The following MACROD1 variants were observed in gnomAD, a reference collection of about 807,000 sequenced individuals.
MACROD1 encodes the protein ADP-ribose glycohydrolase MACROD1.
Under a neutral mutation model 41.4 loss-of-function variants are expected in MACROD1, and 31 were observed. That is an observed-to-expected ratio of 0.75 (90% CI 0.56 to 1.01). The LOEUF (loss-of-function observed/expected upper bound fraction) is 1.01, where lower values mean the gene tolerates loss of function less well. Ranked by LOEUF, MACROD1 falls within the 50% of genes least tolerant of loss-of-function variation. The pLI, the probability that MACROD1 is intolerant of heterozygous loss-of-function variation, is 0.00. For synonymous variants in MACROD1, 252 were observed against 203.4 expected (o/e 1.24, Z -2.03); for missense variants, 473 against 460.0 (o/e 1.03, Z -0.26).
chr11:64,119,825 G>A (rs1223748580), intron 3 of MACROD1, among the ~76,000 whole-genome samples: 1 of 152,184 alleles, frequency 6.6e-6, no homozygotes, highest in Non-Finnish European at 1.5e-5. Flanking sequence ...GCAGTGTGGT[G>A]AGCCATGAGA....
chr11:64,060,032 G>T (rs1206429038), intron 3 of MACROD1, among the ~76,000 whole-genome samples: 1 of 152,240 alleles, frequency 6.6e-6, no homozygotes, highest in Non-Finnish European at 1.5e-5. Flanking sequence ...CCACACGGCA[G>T]GGGGGAATGG....
intron 4 of MACROD1, among the ~76,000 whole-genome samples, chr11:64,005,604 G>A (rs750809106): frequency 6.6e-6 from 1 of 152,240 alleles, no homozygotes; most frequent in Non-Finnish European, 1.5e-5. Context: ...CTCAGGTGCC[G>A]AGTCTCATAC....
chr11:64,115,596 A>G (rs1944962982), intron 3 of MACROD1, among the ~76,000 whole-genome samples: 1 of 152,200 alleles, frequency 6.6e-6, no homozygotes, highest in Non-Finnish European at 1.5e-5. Context: ...ACACCAGACA[A>G]TGAAGCTCCC....
chr11:64,116,616 G>C, intron 3 of MACROD1: 1 of 1,614,158 alleles, frequency 6.2e-7, no homozygotes, highest in Non-Finnish European at 8.5e-7. Flanking sequence ...ATACGAGAAT[G>C]ACCTGGATGA....
At chr11:64,070,128 A>G (rs1944079542) in intron 3 of MACROD1, among the ~76,000 whole-genome samples, 1 of 152,114 alleles carries the variant, frequency 6.6e-6, no homozygotes, top group Admixed American at 6.5e-5. Flanking sequence ...CCCCTTACAT[A>G]GATGTGGAAA....
intron 3 of MACROD1, among the ~76,000 whole-genome samples, chr11:64,149,274 G>A (rs915075110): frequency 6.6e-6 from 1 of 152,162 alleles, no homozygotes; most frequent in South Asian, 2.1e-4. Context: ...CATCAGCTCC[G>A]AGTGCCCCCA....
Position 64,166,021 on chromosome 11 carries a change from G to A in MACROD1, c.-27C>T, listed in dbSNP as rs1395287357. 12 of 1,255,652 alleles carry A rather than the reference G, an allele frequency of 9.6e-6. No individual in the cohort carries two copies. The highest frequency in any genetic ancestry group is 1.2e-5 in the Non-Finnish European group (12 of 1,003,246). 77.8% of individuals were successfully genotyped at this position (1,255,652 alleles called of 1,614,324 possible). ...AGCGGGCGGCGCGGGACGGCTCTCC[G>A]CCCACTTGGACTCTATTTACGGCGC... On this transcript the variant is annotated 5_prime_UTR_variant, in exon 1 of 11. Coordinates refer to ENST00000255681, the MANE Select transcript of MACROD1 (RefSeq NM_014067.4).
At chr11:64,057,932 A>G (rs999832247) in intron 3 of MACROD1, among the ~76,000 whole-genome samples, 1 of 152,084 alleles carries the variant, frequency 6.6e-6, no homozygotes, top group Middle Eastern at 3.2e-3. Flanking sequence ...TTTTCTTTCC[A>G]CTGTGCCACC....
intron 1 of MACROD1, among the ~76,000 whole-genome samples, chr11:64,157,043 G>T (rs1437946161): frequency 1.3e-5 from 2 of 152,130 alleles, no homozygotes; most frequent in Non-Finnish European, 2.9e-5. Context: ...GTTCCCCCTG[G>T]AGGAGAAACA....
rs774763930 is a variant in MACROD1, at chr11:64,116,712, C to T, written c.517+34527G>A. On this transcript the variant is annotated intron_variant, in intron 3 of 10. Coordinates refer to ENST00000255681, the MANE Select transcript of MACROD1 (RefSeq NM_014067.4). ...CACCATTGCCAGGGACTCGCTGGCCCGCATCCCGCTGCTGGAGAAGCTGCA... is the reference window on the plus strand; with the variant it reads ...CACCATTGCCAGGGACTCGCTGGCCTGCATCCCGCTGCTGGAGAAGCTGCA... The T allele has an allele frequency of 1.7e-5, 28 of 1,613,610 alleles. No homozygotes were observed. Among genetic ancestry groups the T allele is most frequent in the Non-Finnish European group, 2.1e-5 (25 of 1,180,008 alleles).
intron 3 of MACROD1, among the ~76,000 whole-genome samples, chr11:64,121,573 C>T (rs1181047947): frequency 6.6e-6 from 1 of 152,222 alleles, no homozygotes; most frequent in Non-Finnish European, 1.5e-5. Context: ...AAACCCCATC[C>T]CCTCTTGGCC....
chr11:64,128,250 C>A (rs577696573), intron 3 of MACROD1, among the ~76,000 whole-genome samples: 1 of 152,218 alleles, frequency 6.6e-6, no homozygotes, highest in Non-Finnish European at 1.5e-5. Flanking sequence ...ACCCAGCGCA[C>A]AGTGGGTGCC....
chr11:64,030,604 G>C (rs1943281436), intron 3 of MACROD1, among the ~76,000 whole-genome samples: 1 of 152,168 alleles, frequency 6.6e-6, no homozygotes, highest in Admixed American at 6.5e-5. Context: ...CAACGCCAGA[G>C]AAAAAATCAG....
intron 3 of MACROD1, among the ~76,000 whole-genome samples, chr11:64,119,418 G>A (rs563621417): frequency 6.6e-6 from 1 of 152,062 alleles, no homozygotes; most frequent in African/African-American, 2.4e-5. Context: ...CAGTGTCCTC[G>A]TCTCCCTCCC....
At chr11:64,104,582 T>C (rs1944725918) in intron 3 of MACROD1, among the ~76,000 whole-genome samples, 1 of 152,042 alleles carries the variant, frequency 6.6e-6, no homozygotes, top group Non-Finnish European at 1.5e-5. Context: ...TCTGGTAACC[T>C]AGGCTACTTG....
Position 64,000,326 on chromosome 11 carries a change from G to A in MACROD1, c.565C>T (p.Arg189Trp), listed in dbSNP as rs968369084. The A allele has an allele frequency of 3.2e-6, 5 of 1,585,416 alleles. No individual in the cohort carries two copies. The highest frequency in any genetic ancestry group is 1.8e-5 in the Admixed American group (1 of 56,896). The change falls in exon 5 of 11, where the codon CGG (arginine) becomes TGG (tryptophan). Residue 189 changes from arginine (R) to tryptophan (W), a missense_variant. Arg to Trp is a moderately radical substitution (Grantham distance 101, BLOSUM62 -3). Transcript: ENST00000255681. ...TCGGTAAGCAGGGGGCCGGCGGCCC[G>A]ATGAATGCAGCCGTCCACTGCGGGA... ...GGGGVDGCIH[R>W]AAGPLLTDEC... is the part of the protein sequence containing the mutation.
chr11:64,161,423 C>T (rs1445800566), intron 1 of MACROD1, among the ~76,000 whole-genome samples: 2 of 152,226 alleles, frequency 1.3e-5, no homozygotes, highest in African/African-American at 2.4e-5. Context: ...CAATGCTCTA[C>T]CTTTTGACCC....
intron 3 of MACROD1, among the ~76,000 whole-genome samples, chr11:64,030,883 CT>C (rs1349132279): frequency 1.4e-5 from 2 of 144,112 alleles, no homozygotes; most frequent in East Asian, 2.1e-4. Flanking sequence ...GATCCTGTCT[CT>C]TAAAAAAAAA....
intron 3 of MACROD1, among the ~76,000 whole-genome samples, chr11:64,055,234 C>T (rs909838961): frequency 6.6e-6 from 1 of 152,240 alleles, no homozygotes; most frequent in Non-Finnish European, 1.5e-5. Context: ...GGGTGAGGGG[C>T]AGCCAGTAGC....
Sources: allele counts gnomAD v4.1 joint callset (sites outside exome capture counted in the v4.1 genomes callset), GRCh38; gene constraint gnomAD v4.1.1; transcripts MANE v1.5; gene names NCBI Gene and HGNC (gene_info 2026-07-23, HGNC 2026-07-21).